FARP1: variants seen among roughly 807,000 people sequenced by gnomAD.
The protein encoded by FARP1 is FERM, ARHGEF and pleckstrin domain-containing protein 1.
A neutral mutation model predicts 128.8 loss-of-function variants in FARP1; 52 were observed. That is an observed-to-expected ratio of 0.40 (90% CI 0.32 to 0.51). The LOEUF (loss-of-function observed/expected upper bound fraction) is 0.51. Among genes scored for constraint, FARP1 ranks in the 20% least tolerant of loss-of-function variants. FARP1 has a pLI of 0.45. For missense variants in FARP1, 1,333 were observed against 1,367.9 expected (o/e 0.97, Z 0.40); for synonymous variants, 580 against 551.8 (o/e 1.05, Z -0.72).
rs1893007954 is a variant in FARP1, at chr13:98,448,534, G to A, written c.*217G>A. ...TCCAGTCCTGGCATCCGCTGGGGGCGCTGTTCTTTAGCTAGTGCCAGTATT... is the reference window on the plus strand; with the variant it reads ...TCCAGTCCTGGCATCCGCTGGGGGCACTGTTCTTTAGCTAGTGCCAGTATT... On this transcript the variant is annotated 3_prime_UTR_variant, in exon 27 of 27. Coordinates refer to ENST00000319562, the MANE Select transcript of FARP1 (RefSeq NM_005766.4). The A allele has an allele frequency of 3.6e-6, 2 of 561,692 alleles. No individual in the cohort carries two copies. The highest frequency in any genetic ancestry group is 3.2e-5 in the Admixed American group (1 of 31,262). The allele number at this position is 561,692 out of a possible 1,614,324, so 34.8% of individuals were successfully genotyped here. A position where few individuals can be genotyped will look rare whatever the true frequency, so the allele number is the denominator to read the frequency against.
At chr13:98,231,388 C>T (rs1882104631) in intron 2 of FARP1, among the ~76,000 whole-genome samples, 1 of 151,868 alleles carries the variant, frequency 6.6e-6, no homozygotes, top group African/African-American at 2.4e-5. Context: ...GCACGCTTTC[C>T]ATGTAGATGC....
At chr13:98,336,158 T>C (rs1300035535) in intron 2 of FARP1, among the ~76,000 whole-genome samples, 3 of 152,200 alleles carry the variant, frequency 2.0e-5, no homozygotes, top group African/African-American at 7.2e-5. Flanking sequence ...TTTATTCTTT[T>C]AGAAAAGAAA....
At position 98,384,711 on chromosome 13, in the gene FARP1, T is replaced by C. The variant is rs762268258; in HGVS notation, c.497-19T>C. 1 of 1,513,210 alleles carries C rather than the reference T, an allele frequency of 6.6e-7. No homozygotes were observed. Among genetic ancestry groups the C allele is most frequent in the South Asian group, 1.1e-5 (1 of 88,906 alleles). The allele number at this position is 1,513,210 out of a possible 1,614,324, so 93.7% of individuals were successfully genotyped here. On this transcript the variant is annotated intron_variant, in intron 6 of 26. Transcript: ENST00000319562. The stretch of plus-strand genomic sequence containing the variant: ...GTGTCATTCCTACGTGACCTGTTTT[T>C]CTTTCTGTTTCTTTTTAGCTGAGAT...
At position 98,266,043 on chromosome 13, in the gene FARP1, C is replaced by CT. The variant is rs1169922988; in HGVS notation, c.171+52638dup. Among the ~76,000 whole-genome samples, 23 of 151,848 alleles carry CT rather than the reference C, an allele frequency of 1.5e-4. 1 individual carries two copies. In the East Asian group the frequency reaches 3.5e-3, roughly 23 times the overall value. On this transcript the variant is annotated intron_variant, in intron 2 of 26. Coordinates refer to ENST00000319562, the MANE Select transcript of FARP1 (RefSeq NM_005766.4). Reference sequence around the variant, plus strand: ...AAAACAGCCAAAGGACTTGAAAGCGCTTTTTTTTCCCATTTTTTTTTCCTA... The same window carrying CT: ...AAAACAGCCAAAGGACTTGAAAGCGCTTTTTTTTTCCCATTTTTTTTTCCTA...
At chr13:98,300,614 T>A (rs78363458) in intron 2 of FARP1, among the ~76,000 whole-genome samples, 4,591 of 152,300 alleles carry the variant, frequency 0.03, 119 homozygotes, top group Middle Eastern at 0.11. Flanking sequence ...CATCAGCTCT[T>A]CCATCTCTGC....
At chr13:98,215,738 T>C (rs2139337446) in intron 2 of FARP1, among the ~76,000 whole-genome samples, 2 of 152,264 alleles carry the variant, frequency 1.3e-5, no homozygotes, top group Middle Eastern at 3.4e-3. Context: ...ATTTTACAAG[T>C]AGAATTAATG....
rs1876109535 is a variant in FARP1 at position 98,152,836 on chromosome 13, T to C, written c.-24+9344T>C. ...CTTTATAAGGACTTTAGATGTTTGA[T>C]AATGTGTGCAAGTCGTGCAACTGAG... is the stretch of plus-strand genomic sequence containing the variant. On this transcript the variant is annotated intron_variant, in intron 1 of 26. Transcript: ENST00000319562. 2.6e-5 allele frequency among the ~76,000 whole-genome samples: 4 copies of C among 152,198 alleles called. No individual in the cohort carries two copies. The South Asian group carries it at 8.3e-4, about 32-fold the overall frequency.
chr13:98,184,200 C>T (rs377064594), intron 1 of FARP1, among the ~76,000 whole-genome samples: 18 of 149,138 alleles, frequency 1.2e-4, no homozygotes, highest in African/African-American at 4.2e-4. Context: ...TCACTGCAAC[C>T]TCTGCCTTCT....
At chr13:98,250,051 A>T (rs1883248396) in intron 2 of FARP1, among the ~76,000 whole-genome samples, 1 of 152,270 alleles carries the variant, frequency 6.6e-6, no homozygotes, top group African/African-American at 2.4e-5. Context: ...AGATGATTTT[A>T]TATGTATGAG....
At chr13:98,231,837 A>C (rs1882131745) in intron 2 of FARP1, among the ~76,000 whole-genome samples, 1 of 151,764 alleles carries the variant, frequency 6.6e-6, no homozygotes, top group South Asian at 2.1e-4. Flanking sequence ...TTTTTATTTA[A>C]TTTTTTTGAG....
In FARP1 at chr13:98,151,660, C is replaced by CTTTTTTTTTTTTTTTTATTTTTT. The variant is rs1876012066; in HGVS notation, c.-24+8184_-24+8185insATTTTTTTTTTTTTTTTTTTTTT. ...AAACCTGCCCTTATATATCTTCCAT[C>CTTTTTTTTTTTTTTTTATTTTTT]TTTTTTTTTTTTTTTTTTTGAGACG... On this transcript the variant is annotated intron_variant, in intron 1 of 26. Transcript: ENST00000319562. Among the ~76,000 whole-genome samples, 2 of 69,224 alleles carry CTTTTTTTTTTTTTTTTATTTTTT rather than the reference C, an allele frequency of 2.9e-5. 1 individual carries two copies. Among genetic ancestry groups the CTTTTTTTTTTTTTTTTATTTTTT allele is most frequent in the Non-Finnish European group, 5.5e-5 (2 of 36,158 alleles). 45.4% of individuals were successfully genotyped at this position (69,224 alleles called of 152,430 possible).
chr13:98,230,704 C>A (rs751095838), intron 2 of FARP1, among the ~76,000 whole-genome samples: 3 of 152,122 alleles, frequency 2.0e-5, no homozygotes, highest in Non-Finnish European at 4.4e-5. Context: ...CCTTGGGAAA[C>A]ACTGCTGTGA....
intron 14 of FARP1, 151 bp downstream of exon 14, chr13:98,409,676 G>T: frequency 1.6e-6 from 1 of 608,498 alleles, no homozygotes. Context: ...GTACATTCAT[G>T]TTGTTGTGCC....
chr13:98,452,518 G>A lies in FARP1; in HGVS notation c.*4201G>A, dbSNP rs138036281. 3.9e-5 allele frequency: 6 copies of A among 152,726 alleles called. No homozygotes were observed. In the East Asian group the frequency reaches 7.7e-4, roughly 20 times the overall value. The allele number at this position is 152,726 out of a possible 1,614,324, so 9.5% of individuals were successfully genotyped here. A position where few individuals can be genotyped will look rare whatever the true frequency, so the allele number is the denominator to read the frequency against. On this transcript the variant is annotated 3_prime_UTR_variant, in exon 27 of 27. Coordinates refer to ENST00000319562, the MANE Select transcript of FARP1 (RefSeq NM_005766.4). ...AATAGGAGTGTTCTGTAAGAGAGGG[G>A]CATTAATTATTAATGACAAACCCTG...
At chr13:98,320,548 A>G (rs913525571) in intron 2 of FARP1, among the ~76,000 whole-genome samples, 3 of 152,168 alleles carry the variant, frequency 2.0e-5, no homozygotes, top group East Asian at 1.9e-4. Context: ...TGGAGATACT[A>G]AGGTGGTTTC....
In FARP1 at chr13:98,177,336, A is replaced by G. The variant is rs192445596; in HGVS notation, c.-24+33844A>G. Reference sequence around the variant, plus strand: ...GTGGGCCCTCCCAGTTCTAAAAAGCAAAAGCAAGTGAAAGAAAAGCTTCTG... The same window carrying G: ...GTGGGCCCTCCCAGTTCTAAAAAGCGAAAGCAAGTGAAAGAAAAGCTTCTG... On this transcript the variant is annotated intron_variant, in intron 1 of 26. Transcript: ENST00000319562. The G allele has an allele frequency of 1.5e-4, 145 of 961,666 alleles. No homozygotes were observed. The African/African-American group carries it at 2.2e-3, about 15-fold the overall frequency. The allele number at this position is 961,666 out of a possible 1,614,324, so 59.6% of individuals were successfully genotyped here. A position where few individuals can be genotyped will look rare whatever the true frequency, so the allele number is the denominator to read the frequency against.
intron 13 of FARP1, among the ~76,000 whole-genome samples, chr13:98,408,931 G>A (rs1459853371): frequency 1.3e-5 from 2 of 152,208 alleles, no homozygotes; most frequent in Admixed American, 6.5e-5. Context: ...CAGTTGCTTA[G>A]ATGCCTGTTA....
chr13:98,375,490 C>A (rs1181672314), intron 5 of FARP1, among the ~76,000 whole-genome samples: 1 of 152,194 alleles, frequency 6.6e-6, no homozygotes, highest in Non-Finnish European at 1.5e-5. Flanking sequence ...TCTGGCCAGG[C>A]AGGTTACACA....
chr13:98,378,373 G>A (rs1480828339), intron 6 of FARP1, among the ~76,000 whole-genome samples: 1 of 152,110 alleles, frequency 6.6e-6, no homozygotes, highest in East Asian at 1.9e-4. Context: ...TGGATTAATG[G>A]AGCTGGACCC....
Sources: gnomAD v4.1 joint callset for allele counts (sites outside exome capture counted in the v4.1 genomes callset) on GRCh38, gnomAD v4.1.1 for gene constraint, MANE v1.5 for transcripts, NCBI Gene and HGNC (gene_info 2026-07-23, HGNC 2026-07-21) for gene names.